SAE1: variants seen among roughly 807,000 people sequenced by gnomAD.
SAE1 encodes the protein SUMO-activating enzyme subunit 1.
SAE1 carries 11 observed loss-of-function variants against 40.6 expected under a neutral mutation model. That is an observed-to-expected ratio of 0.27 (90% CI 0.17 to 0.45). The LOEUF is 0.45. Ranked by LOEUF, SAE1 falls within the 20% of genes least tolerant of loss-of-function variation. The pLI, the probability that SAE1 is intolerant of heterozygous loss-of-function variation, is 1.00. For missense variants in SAE1, 373 were observed against 427.3 expected (o/e 0.87, Z 1.12); for synonymous variants, 155 against 154.3 (o/e 1.00, Z -0.03).
chr19:47,190,652 T>A (rs1261164237), intron 6 of SAE1, among the ~76,000 whole-genome samples: 2 of 152,192 alleles, frequency 1.3e-5, no homozygotes, highest in African/African-American at 4.8e-5. Flanking sequence ...CCGGCCCTCG[T>A]CCAGCCAAAC....
chr19:47,149,080 C>G (rs545396506), intron 2 of SAE1, among the ~76,000 whole-genome samples: 1 of 151,402 alleles, frequency 6.6e-6, no homozygotes, highest in African/African-American at 2.4e-5. Flanking sequence ...AGCTCCTGGC[C>G]TCAAGCAGTG....
chr19:47,189,453 C>T (rs939469578), intron 6 of SAE1, among the ~76,000 whole-genome samples: 2 of 152,074 alleles, frequency 1.3e-5, no homozygotes, highest in Non-Finnish European at 2.9e-5. Flanking sequence ...CCCAGCTACT[C>T]AGGAGGCTGA....
intron 3 of SAE1, among the ~76,000 whole-genome samples, chr19:47,151,731 A>G (rs2058289817): frequency 6.6e-6 from 1 of 152,110 alleles, no homozygotes; most frequent in African/African-American, 2.4e-5. Flanking sequence ...GACACTTTCC[A>G]TTTGGACATA....
At chr19:47,195,350 C>T (rs1042201319) in intron 6 of SAE1, among the ~76,000 whole-genome samples, 1 of 152,172 alleles carries the variant, frequency 6.6e-6, no homozygotes, top group African/African-American at 2.4e-5. Context: ...CCACTGCACC[C>T]AGCCTAATTA....
rs1377992232 is a variant in SAE1 at position 47,181,481 on chromosome 19, T to A, written c.733+11558T>A. Among the ~76,000 whole-genome samples, 285 of 136,646 alleles carry A rather than the reference T, an allele frequency of 2.1e-3. 9 individuals are homozygous for A. The East Asian group carries it at 0.053, about 26-fold the overall frequency. 89.6% of individuals were successfully genotyped at this position (136,646 alleles called of 152,430 possible). A position where few individuals can be genotyped will look rare whatever the true frequency, so the allele number is the denominator to read the frequency against. On this transcript the variant is annotated intron_variant, in intron 6 of 8. Transcript: ENST00000270225. ...TTTTCTTGTTTTTTCTTTTCCTTTT[T>A]TTTTTTTTTTTTTTTGAGATGGAGT...
At chr19:47,153,090 C>CT (rs749858950) in intron 4 of SAE1, 50 bp downstream of exon 4, 14,565 of 1,212,074 alleles carry the variant, frequency 0.012, 1 homozygote, top group East Asian at 0.021. Flanking sequence ...CCTTTTTATA[C>CT]TTTTTTTTTT....
Position 47,205,992 on chromosome 19 carries a change from C to G in SAE1, c.948+2252C>G, listed in dbSNP as rs183366556. Among the ~76,000 whole-genome samples the G allele has an allele frequency of 1.2e-4, 18 of 152,352 alleles. No individual in the cohort carries two copies. In the East Asian group the frequency reaches 3.5e-3, roughly 29 times the overall value. Reference sequence around the variant, plus strand: ...ATGGACCCCAGGGCCGCTGCCCTTGCATTGTCAGCCTTACTTCTGCACATC... The same window carrying G: ...ATGGACCCCAGGGCCGCTGCCCTTGGATTGTCAGCCTTACTTCTGCACATC... On this transcript the variant is annotated intron_variant, in intron 8 of 8. Transcript: ENST00000270225.
intron 8 of SAE1, among the ~76,000 whole-genome samples, chr19:47,206,195 G>C (rs1189723057): frequency 6.6e-6 from 1 of 152,188 alleles, no homozygotes; most frequent in African/African-American, 2.4e-5. Flanking sequence ...ATCCCAGATA[G>C]CCAGAGTACT....
chr19:47,163,453 C>A (rs879116289), intron 5 of SAE1, among the ~76,000 whole-genome samples: 3 of 152,042 alleles, frequency 2.0e-5, no homozygotes, highest in Non-Finnish European at 4.4e-5. Flanking sequence ...GGAGGCCAGG[C>A]GCAGTGCCTC....
At chr19:47,139,586 C>CTTTTTTT (rs71179299) in intron 1 of SAE1, among the ~76,000 whole-genome samples, 1 of 122,804 alleles carries the variant, frequency 8.1e-6, no homozygotes, top group Non-Finnish European at 1.7e-5. Flanking sequence ...GAATGTGTAT[C>CTTTTTTT]TTTTTTTTTT....
At chr19:47,132,672 A>G (rs2058153540) in intron 1 of SAE1, among the ~76,000 whole-genome samples, 1 of 151,882 alleles carries the variant, frequency 6.6e-6, no homozygotes, top group South Asian at 2.1e-4. Context: ...GGACCTCTTG[A>G]GCCCAGGAGT....
rs572568744 is a variant in SAE1, at chr19:47,184,371, A to T, written c.734-12862A>T. On this transcript the variant is annotated intron_variant, in intron 6 of 8. Coordinates refer to ENST00000270225, the MANE Select transcript of SAE1 (RefSeq NM_005500.3). ...TTCCTACCACTAAAATGGGGGTGGT[A>T]ACAGTTGTACCTACCTCATTCTGTC... Among the ~76,000 whole-genome samples the T allele has an allele frequency of 1.9e-4, 29 of 152,240 alleles. No individual in the cohort carries two copies. In the South Asian group the frequency reaches 5.8e-3, roughly 30 times the overall value.
At chr19:47,191,910 C>T (rs552312756) in intron 6 of SAE1, among the ~76,000 whole-genome samples, 6 of 151,878 alleles carry the variant, frequency 4.0e-5, no homozygotes, top group South Asian at 2.1e-4. Context: ...AAAAATTAGC[C>T]GGGCGTGGTG....
At chr19:47,189,529 C>G (rs1025945794) in intron 6 of SAE1, among the ~76,000 whole-genome samples, 1 of 152,030 alleles carries the variant, frequency 6.6e-6, no homozygotes, top group Non-Finnish European at 1.5e-5. Flanking sequence ...CCACTGCACT[C>G]CAGCCTGGGT....
chr19:47,188,312 C>T (rs1258656962), intron 6 of SAE1, among the ~76,000 whole-genome samples: 1 of 151,452 alleles, frequency 6.6e-6, no homozygotes, highest in Non-Finnish European at 1.5e-5. Context: ...GATTGTGCTG[C>T]TCATTCCAGC....
chr19:47,183,288 T>C (rs1477004191), intron 6 of SAE1, among the ~76,000 whole-genome samples: 1 of 151,952 alleles, frequency 6.6e-6, no homozygotes, highest in African/African-American at 2.4e-5. Flanking sequence ...GGTCTTGTCC[T>C]GTTTTCACAT....
chr19:47,131,161 C>T, intron 1 of SAE1, 133 bp downstream of exon 1: 3 of 1,424,122 alleles, frequency 2.1e-6, no homozygotes, highest in South Asian at 1.5e-5. Context: ...GGGATCGTCT[C>T]TCTCTTGGGG....
chr19:47,189,406 T>G (rs545336651), intron 6 of SAE1, among the ~76,000 whole-genome samples: 1 of 151,988 alleles, frequency 6.6e-6, no homozygotes, highest in African/African-American at 2.4e-5. Context: ...AAAATATGTA[T>G]ATAAATGAGC....
Position 47,154,534 on chromosome 19 carries a change from G to A in SAE1, c.528-580G>A, listed in dbSNP as rs531878262. Among the ~76,000 whole-genome samples, 5 of 104,814 alleles carry A rather than the reference G, an allele frequency of 4.8e-5. No homozygotes were observed. In the South Asian group the frequency reaches 1.7e-3, roughly 36 times the overall value. The allele number at this position is 104,814 out of a possible 152,430, so 68.8% of individuals were successfully genotyped here. ...TTCTGAGACAGACTTTCACTCAGTT[G>A]CCCAGGCTGGAGTACAGTGGCGTGA... On this transcript the variant is annotated intron_variant, in intron 4 of 8. Transcript: ENST00000270225.
Sources: allele counts gnomAD v4.1 joint callset (sites outside exome capture counted in the v4.1 genomes callset), GRCh38; gene constraint gnomAD v4.1.1; transcripts MANE v1.5; gene names NCBI Gene and HGNC (gene_info 2026-07-23, HGNC 2026-07-21).